The following PDE4D variants were observed in gnomAD, a reference collection of about 807,000 sequenced individuals.
The protein encoded by PDE4D is 3',5'-cyclic-AMP phosphodiesterase 4D.
A neutral mutation model predicts 87.4 loss-of-function variants in PDE4D; 24 were observed. That is an observed-to-expected ratio of 0.27 (90% CI 0.20 to 0.39). PDE4D has a LOEUF of 0.39. PDE4D is among the 10% of genes least tolerant of loss of function. The pLI is 1.00. For missense variants in PDE4D, 714 were observed against 1,041.0 expected (o/e 0.69, Z 4.32); for synonymous variants, 384 against 383.2 (o/e 1.00, Z -0.02).
intron 3 of PDE4D, among the ~76,000 whole-genome samples, chr5:59,903,055 A>G (rs1752440080): frequency 6.6e-6 from 1 of 152,164 alleles, no homozygotes; most frequent in African/African-American, 2.4e-5. Flanking sequence ...AACCTGTTCC[A>G]TTCTTTGGCT....
chr5:59,203,278 A>G (rs1163608808), intron 2 of PDE4D, among the ~76,000 whole-genome samples: 1 of 152,098 alleles, frequency 6.6e-6, no homozygotes, highest in East Asian at 1.9e-4. Context: ...GCAAATTAAA[A>G]CCATGATGAG....
At chr5:59,591,491 G>T (rs921657889) in intron 1 of PDE4D, among the ~76,000 whole-genome samples, 1 of 152,056 alleles carries the variant, frequency 6.6e-6, no homozygotes, top group Admixed American at 6.6e-5. Context: ...AAATGTTAAG[G>T]TATATTTTTT....
At chr5:60,504,944 A>C (rs1750259081) in intron 1 of PDE4D, among the ~76,000 whole-genome samples, 1 of 152,218 alleles carries the variant, frequency 6.6e-6, no homozygotes, top group Non-Finnish European at 1.5e-5. Context: ...ATCTGTCTGC[A>C]TGTAGGTGAC....
At chr5:59,839,323 G>A (rs952291603) in intron 1 of PDE4D, among the ~76,000 whole-genome samples, 12 of 151,740 alleles carry the variant, frequency 7.9e-5, no homozygotes, top group Non-Finnish European at 1.6e-4. Context: ...TATTTAATTG[G>A]CTCATCCCAA....
chr5:59,348,205 A>G (rs1779910237), intron 1 of PDE4D, among the ~76,000 whole-genome samples: 1 of 152,208 alleles, frequency 6.6e-6, no homozygotes, highest in African/African-American at 2.4e-5. Context: ...TATATTAAAA[A>G]CAATGGAAAT....
At chr5:59,182,415 C>A (rs1337411401) in intron 4 of PDE4D, among the ~76,000 whole-genome samples, 1 of 151,866 alleles carries the variant, frequency 6.6e-6, no homozygotes, top group Non-Finnish European at 1.5e-5. Flanking sequence ...GTGCATGCCA[C>A]CATGCTTGGC....
At chr5:59,008,777 GAAC>G (rs1752179512) in intron 6 of PDE4D, among the ~76,000 whole-genome samples, 2 of 151,920 alleles carry the variant, frequency 1.3e-5, no homozygotes. Flanking sequence ...TAAGAAAACA[GAAC>G]AACAAGCCAC....
At chr5:59,208,943 T>C (rs1749455476) in intron 2 of PDE4D, among the ~76,000 whole-genome samples, 2 of 152,136 alleles carry the variant, frequency 1.3e-5, no homozygotes, top group Admixed American at 1.3e-4. Context: ...CGAATAATAC[T>C]AGTAACAGTG....
intron 3 of PDE4D, among the ~76,000 whole-genome samples, chr5:59,977,078 T>A (rs1761415226): frequency 6.6e-6 from 1 of 152,162 alleles, no homozygotes; most frequent in African/African-American, 2.4e-5. Context: ...GGCCTATAAG[T>A]GTTCAAGTGA....
chr5:60,040,962 G>C (rs1768414097), intron 2 of PDE4D, among the ~76,000 whole-genome samples: 1 of 152,104 alleles, frequency 6.6e-6, no homozygotes, highest in Non-Finnish European at 1.5e-5. Flanking sequence ...GAATGCTTTA[G>C]CTGATTAAAA....
chr5:60,180,545 T>C (rs753803180), intron 2 of PDE4D, among the ~76,000 whole-genome samples: 18 of 152,114 alleles, frequency 1.2e-4, no homozygotes, highest in Non-Finnish European at 2.4e-4. Flanking sequence ...GGTGGTGAAA[T>C]AATTTTAACA....
intron 1 of PDE4D, among the ~76,000 whole-genome samples, chr5:59,430,886 C>A (rs181412378): frequency 2.0e-5 from 3 of 151,988 alleles, no homozygotes; most frequent in Non-Finnish European, 4.4e-5. Flanking sequence ...GCTATATTTT[C>A]GAAGAGGGAA....
chr5:60,328,107 C>G (rs1347422180), intron 1 of PDE4D, among the ~76,000 whole-genome samples: 1 of 152,146 alleles, frequency 6.6e-6, no homozygotes, highest in East Asian at 1.9e-4. Context: ...AATTCAGAGT[C>G]CTGGTTTTAA....
intron 1 of PDE4D, among the ~76,000 whole-genome samples, chr5:59,357,879 C>A (rs916975214): frequency 6.6e-6 from 1 of 152,102 alleles, no homozygotes; most frequent in Non-Finnish European, 1.5e-5. Context: ...AACACTGCCC[C>A]GCGGGTGACC....
rs4700343 is a variant in PDE4D, at chr5:59,825,558, C to T, written c.455+67610G>A. On this transcript the variant is annotated intron_variant, in intron 1 of 14. Transcript: ENST00000340635. The stretch of plus-strand genomic sequence containing the variant: ...GTGTTTAGTTCTTGTCCATGGTGGC[C>T]GCACACACTCTGTGAGGAAGCAATG... 2.2e-3 allele frequency among the ~76,000 whole-genome samples: 331 copies of T among 152,164 alleles called. 8 individuals are homozygous for T. Among genetic ancestry groups the T allele is most frequent in the Admixed American group, 0.017 (257 of 15,270 alleles).
intron 1 of PDE4D, among the ~76,000 whole-genome samples, chr5:59,887,077 T>A (rs1190684159): frequency 6.6e-6 from 1 of 152,144 alleles, no homozygotes; most frequent in Non-Finnish European, 1.5e-5. Flanking sequence ...ATTCAAAAGA[T>A]CTTGGTGGTC....
At chr5:59,932,959 T>C (rs1756137695) in intron 3 of PDE4D, among the ~76,000 whole-genome samples, 1 of 47,484 alleles carries the variant, frequency 2.1e-5, no homozygotes, top group South Asian at 8.1e-4. Flanking sequence ...TTAGAAATGG[T>C]GAAATCTCCC....
intron 1 of PDE4D, among the ~76,000 whole-genome samples, chr5:59,844,818 A>C (rs1367327282): frequency 6.6e-6 from 1 of 152,094 alleles, no homozygotes; most frequent in African/African-American, 2.4e-5. Context: ...AGGATCTCAA[A>C]TCAGTTGATT....
At chr5:60,337,388 T>TATATATATAC (rs66871903) in intron 1 of PDE4D, among the ~76,000 whole-genome samples, 80 of 89,416 alleles carry the variant, frequency 8.9e-4, no homozygotes, top group South Asian at 1.8e-3. Context: ...TATATATATA[T>TATATATATAC]ACACACACAC....
Sources: allele counts gnomAD v4.1 joint callset (sites outside exome capture counted in the v4.1 genomes callset), GRCh38; gene constraint gnomAD v4.1.1; transcripts MANE v1.5; gene names NCBI Gene and HGNC (gene_info 2026-07-23, HGNC 2026-07-21).